The following SMAP1 variants were observed in gnomAD, a reference collection of about 807,000 sequenced individuals.
SMAP1 encodes stromal membrane-associated protein 1.
Under a neutral mutation model 58.5 loss-of-function variants are expected in SMAP1, and 24 were observed. That is an observed-to-expected ratio of 0.41 (90% confidence interval 0.30 to 0.58). The LOEUF (loss-of-function observed/expected upper bound fraction) is 0.58, where lower values mean the gene tolerates loss of function less well. Ranked by LOEUF, SMAP1 falls within the 20% of genes least tolerant of loss-of-function variation. SMAP1 has a pLI of 0.29. For synonymous variants in SMAP1, 216 were observed against 196.6 expected, an observed-to-expected ratio of 1.10 and a Z score of -0.82; for missense variants, 563 against 566.3, an observed-to-expected ratio of 0.99 and a Z score of 0.06.
intron 2 of SMAP1, among the ~76,000 whole-genome samples, chr6:70,743,264 A>G (rs1765889119): frequency 6.6e-6 from 1 of 152,046 alleles, no homozygotes; most frequent in African/African-American, 2.4e-5. Context: ...GTTTGTTTCT[A>G]CCTGATGGCA....
At chr6:70,704,226 A>G (rs752269913) in intron 1 of SMAP1, among the ~76,000 whole-genome samples, 13 of 152,230 alleles carry the variant, frequency 8.5e-5, no homozygotes, top group Non-Finnish European at 1.2e-4. Context: ...TTTTAGAGCT[A>G]TTAACAAATT....
chr6:70,807,052 C>T (rs1769165088), intron 6 of SMAP1, among the ~76,000 whole-genome samples: 1 of 152,214 alleles, frequency 6.6e-6, no homozygotes, highest in South Asian at 2.1e-4. Flanking sequence ...ATTATCCAGG[C>T]TTCCCTGTAA....
rs575056215 is a variant in SMAP1, at chr6:70,788,973, A to G, written c.415-2716A>G. 3.9e-5 allele frequency among the ~76,000 whole-genome samples: 6 copies of G among 152,310 alleles called. No homozygotes were observed. The South Asian group carries it at 1.0e-3, about 26-fold the overall frequency. Reference sequence around the variant, plus strand: ...AGAAGATGGATATTGATGATTTCCTACTAGAGATTTAGAAAGAAGACTCGA... The same window carrying G: ...AGAAGATGGATATTGATGATTTCCTGCTAGAGATTTAGAAAGAAGACTCGA... On this transcript the variant is annotated intron_variant, in intron 4 of 10. Transcript: ENST00000370455.
intron 1 of SMAP1, among the ~76,000 whole-genome samples, chr6:70,724,707 A>G (rs1037647007): frequency 6.6e-6 from 1 of 152,226 alleles, no homozygotes; most frequent in African/African-American, 2.4e-5. Flanking sequence ...CCTACATGTC[A>G]TCTTTTAGCA....
In SMAP1 at chr6:70,860,437, C is replaced by T. The variant is rs953611022; in HGVS notation, c.*103C>T. 7.3e-7 allele frequency: 1 copy of T among 1,366,870 alleles called. No individual in the cohort carries two copies. Among genetic ancestry groups the T allele is most frequent in the Non-Finnish European group, 9.9e-7 (1 of 1,013,192 alleles). 84.7% of individuals were successfully genotyped at this position (1,366,870 alleles called of 1,614,324 possible). ...ATATGCATATTTTTTTTCTTTTTAC[C>T]CATTTGTTCATATTAAGAATGATCT... On this transcript the variant is annotated 3_prime_UTR_variant, in exon 11 of 11. Coordinates refer to ENST00000370455, the MANE Select transcript of SMAP1 (RefSeq NM_001044305.3).
intron 4 of SMAP1, among the ~76,000 whole-genome samples, chr6:70,774,234 A>G (rs1015622401): frequency 1.4e-4 from 21 of 152,204 alleles, no homozygotes; most frequent in African/African-American, 4.8e-4. Context: ...ATGTATCCCA[A>G]TTGTTAAATG....
intron 4 of SMAP1, among the ~76,000 whole-genome samples, chr6:70,784,644 G>T (rs950531838): frequency 6.6e-6 from 1 of 152,082 alleles, no homozygotes; most frequent in South Asian, 2.1e-4. Context: ...AAAGGCAGGG[G>T]TTGCAATCCC....
chr6:70,814,797 G>C (rs1307156678), intron 6 of SMAP1, among the ~76,000 whole-genome samples: 2 of 152,126 alleles, frequency 1.3e-5, no homozygotes, highest in Non-Finnish European at 2.9e-5. Flanking sequence ...CTTGAGATTG[G>C]TGGTAGATTA....
Position 70,857,948 on chromosome 6 carries a change from C to G in SMAP1, c.988C>G (p.Pro330Ala). ...PGVFMGPTNI[P>A]FTSQAPAAFQ... ...TGTATTTATGGGACCCACAAATATA[C>G]CATTTACCTCACAAGCACCAGCTGC... The change falls in exon 10 of 11, where the codon CCA (proline) becomes GCA (alanine). Residue 330 changes from proline (P) to alanine (A), a missense_variant. Coordinates refer to ENST00000370455, the MANE Select transcript of SMAP1 (RefSeq NM_001044305.3). The G allele has an allele frequency of 6.2e-7, 1 of 1,614,030 alleles. No individual in the cohort carries two copies. The highest frequency in any genetic ancestry group is 8.5e-7 in the Non-Finnish European group (1 of 1,179,976).
chr6:70,802,234 C>T (rs1768892734), intron 6 of SMAP1, among the ~76,000 whole-genome samples: 1 of 152,044 alleles, frequency 6.6e-6, no homozygotes, highest in Non-Finnish European at 1.5e-5. Flanking sequence ...CCTTTACATC[C>T]CTTGTAAGTT....
intron 8 of SMAP1, 22 bp from the exon 9 acceptor site, chr6:70,856,837 C>T (rs1771445469): frequency 5.7e-6 from 9 of 1,577,394 alleles, no homozygotes; most frequent in Non-Finnish European, 6.0e-6. Context: ...AATTTGATAG[C>T]TTATTTTGGT....
chr6:70,768,259 C>T (rs1353787948), intron 3 of SMAP1, among the ~76,000 whole-genome samples: 2 of 152,156 alleles, frequency 1.3e-5, no homozygotes, highest in Non-Finnish European at 2.9e-5. Context: ...ATGATGCTGA[C>T]CTCATAAAAT....
chr6:70,838,804 G>A (rs932429336), intron 7 of SMAP1, among the ~76,000 whole-genome samples: 1 of 152,216 alleles, frequency 6.6e-6, no homozygotes, highest in Non-Finnish European at 1.5e-5. Context: ...GACCTGGAAA[G>A]ACACTGGAGG....
At chr6:70,678,270 T>A (rs1055930230) in intron 1 of SMAP1, among the ~76,000 whole-genome samples, 4 of 152,228 alleles carry the variant, frequency 2.6e-5, no homozygotes, top group African/African-American at 9.6e-5. Context: ...ATGTCTCTTA[T>A]TGATCTTTTA....
At chr6:70,724,141 T>C (rs371548186) in intron 1 of SMAP1, among the ~76,000 whole-genome samples, 1 of 146,652 alleles carries the variant, frequency 6.8e-6, no homozygotes, top group African/African-American at 2.5e-5. Context: ...GTATTTAAGG[T>C]TTTTTTTTTG....
chr6:70,824,761 C>T (rs1231029411), intron 6 of SMAP1, among the ~76,000 whole-genome samples: 2 of 152,208 alleles, frequency 1.3e-5, no homozygotes, highest in African/African-American at 4.8e-5. Flanking sequence ...TATTTTCTAT[C>T]AACTCTACCT....
intron 1 of SMAP1, among the ~76,000 whole-genome samples, chr6:70,691,471 TTA>T (rs1436718372): frequency 6.6e-6 from 1 of 152,212 alleles, no homozygotes; most frequent in Non-Finnish European, 1.5e-5. Context: ...AGTTATACTA[TTA>T]GTTATTTTAA....
At chr6:70,757,865 A>C (rs1766567942) in intron 3 of SMAP1, among the ~76,000 whole-genome samples, 1 of 151,888 alleles carries the variant, frequency 6.6e-6, no homozygotes, top group South Asian at 2.1e-4. Flanking sequence ...AAAAGTCAGG[A>C]AACAACAGGT....
intron 2 of SMAP1, among the ~76,000 whole-genome samples, chr6:70,741,263 G>A (rs559347548): frequency 3.0e-4 from 46 of 152,252 alleles, no homozygotes; most frequent in African/African-American, 1.0e-3. Flanking sequence ...CCACCTATGA[G>A]CCTGTAAAAT....
Sources: allele counts gnomAD v4.1 joint callset (sites outside exome capture counted in the v4.1 genomes callset), GRCh38; gene constraint gnomAD v4.1.1; transcripts MANE v1.5; gene names NCBI Gene and HGNC (gene_info 2026-07-23, HGNC 2026-07-21).